Variants in AHCYL1 observed in about 807,000 individuals in gnomAD.
AHCYL1 encodes S-adenosylhomocysteine hydrolase-like protein 1.
A neutral mutation model predicts 79.3 loss-of-function variants in AHCYL1; 20 were observed. The observed-to-expected ratio is 0.25, with a 90% confidence interval of 0.18 to 0.37. AHCYL1 has a LOEUF of 0.37. AHCYL1 is among the 10% of genes least tolerant of loss of function. The pLI is 1.00. For missense variants in AHCYL1, 330 were observed against 673.6 expected, an observed-to-expected ratio of 0.49 and a Z score of 5.65; for synonymous variants, 223 against 242.2, an observed-to-expected ratio of 0.92 and a Z score of 0.74.
chr1:110,017,700 G>T (rs551574907), intron 10 of AHCYL1, 117 bp downstream of exon 10: 10 of 1,148,030 alleles, frequency 8.7e-6, no homozygotes, highest in Middle Eastern at 2.2e-4. Flanking sequence ...GAGAAGGCTA[G>T]GACTGCTCTG....
intron 1 of AHCYL1, among the ~76,000 whole-genome samples, chr1:109,992,708 T>C (rs1649830904): frequency 6.6e-6 from 1 of 152,234 alleles, no homozygotes; most frequent in Non-Finnish European, 1.5e-5. Context: ...TGAGAATCAC[T>C]GGATTAGAGA....
chr1:110,001,091 A>G (rs1041692578), intron 1 of AHCYL1: 8 of 353,306 alleles, frequency 2.3e-5, no homozygotes, highest in African/African-American at 1.6e-4. Flanking sequence ...TTGTATGCCA[A>G]GAGTTCAACA....
intron 1 of AHCYL1, among the ~76,000 whole-genome samples, chr1:109,991,187 A>G (rs1458521324): frequency 1.3e-5 from 2 of 152,206 alleles, no homozygotes; most frequent in Non-Finnish European, 2.9e-5. Context: ...GCTTATCAGT[A>G]TACATTGGGG....
chr1:110,009,438 G>A (rs1021429487), intron 2 of AHCYL1, among the ~76,000 whole-genome samples: 1 of 152,182 alleles, frequency 6.6e-6, no homozygotes, highest in Non-Finnish European at 1.5e-5. Flanking sequence ...ATTTCAAAAG[G>A]AAGAAATCAA....
intron 1 of AHCYL1, among the ~76,000 whole-genome samples, chr1:109,986,511 G>A (rs1649475697): frequency 6.6e-6 from 1 of 152,180 alleles, no homozygotes; most frequent in African/African-American, 2.4e-5. Flanking sequence ...GAGTTCAGTT[G>A]ACTGCTTTGT....
rs914287698 is a variant in AHCYL1, at chr1:110,022,720, C to T, written c.*1040C>T. The T allele has an allele frequency of 6.6e-6, 1 of 152,544 alleles. No individual in the cohort carries two copies. The highest frequency in any genetic ancestry group is 1.5e-5 in the Non-Finnish European group (1 of 68,040). 9.4% of individuals were successfully genotyped at this position (152,544 alleles called of 1,614,324 possible). On this transcript the variant is annotated 3_prime_UTR_variant, in exon 17 of 17. Coordinates refer to ENST00000369799, the MANE Select transcript of AHCYL1 (RefSeq NM_006621.7). ...TTCTGGTCAGCTGTGCTTCTGCAACCTAAAATATTTAAAGGGAGGTAGGTG... is the reference window on the plus strand; with the variant it reads ...TTCTGGTCAGCTGTGCTTCTGCAACTTAAAATATTTAAAGGGAGGTAGGTG...
intron 1 of AHCYL1, among the ~76,000 whole-genome samples, chr1:109,987,815 A>G (rs1412940461): frequency 2.6e-5 from 4 of 152,216 alleles, no homozygotes; most frequent in Non-Finnish European, 4.4e-5. Context: ...CGAGAAGTCA[A>G]CTAAAGGGAT....
At chr1:110,000,600 A>G (rs927597194) in intron 1 of AHCYL1, among the ~76,000 whole-genome samples, 1 of 152,228 alleles carries the variant, frequency 6.6e-6, no homozygotes, top group Non-Finnish European at 1.5e-5. Context: ...ATCTGGTGTT[A>G]TAAGCTCAGA....
At chr1:110,017,432 T>C in intron 9 of AHCYL1, 63 bp from the exon 10 acceptor site, 2 of 1,505,798 alleles carry the variant, frequency 1.3e-6, no homozygotes, top group South Asian at 2.3e-5. Context: ...ACAAATAACC[T>C]ACCTACCCTA....
chr1:110,004,000 C>CA, intron 1 of AHCYL1: 1 of 985,346 alleles, frequency 1.0e-6, no homozygotes, highest in Non-Finnish European at 1.2e-6. Context: ...TACTCTTTGG[C>CA]AGAGTTTTTC....
intron 1 of AHCYL1, among the ~76,000 whole-genome samples, chr1:109,987,993 A>G (rs1238997899): frequency 1.3e-5 from 2 of 152,194 alleles, no homozygotes; most frequent in African/African-American, 2.4e-5. Flanking sequence ...TTCAATGGGC[A>G]TTTGAAGTGG....
chr1:110,011,315 C>T lies in AHCYL1; in HGVS notation c.334C>T (p.Gln112Ter). ...CAATTTCTGTGTGAAGAACATCAAG[C>T]AGGCAGAATTTGGACGCCGGGAGAT... ...SSNFCVKNIKQAEFGRREIEI... is the reference protein window; with the variant it reads ...SSNFCVKNIK The change falls in exon 3 of 17, where the codon CAG becomes TAG. Residue 112 changes from glutamine to a stop codon, truncating the protein, a stop_gained. Coordinates refer to ENST00000369799, the MANE Select transcript of AHCYL1 (RefSeq NM_006621.7). LOFTEE classifies it high-confidence loss of function. 1 of 1,613,928 alleles carries T rather than the reference C, an allele frequency of 6.2e-7. No homozygotes were observed. The highest frequency in any genetic ancestry group is 8.5e-7 in the Non-Finnish European group (1 of 1,179,954).
At chr1:110,015,992 C>G (rs772211345) in intron 7 of AHCYL1, among the ~76,000 whole-genome samples, 1 of 151,968 alleles carries the variant, frequency 6.6e-6, no homozygotes, top group Non-Finnish European at 1.5e-5. Flanking sequence ...CACACACACA[C>G]GGAACCATAT....
chr1:109,985,941 G>A (rs1649443981), intron 1 of AHCYL1, among the ~76,000 whole-genome samples: 2 of 152,170 alleles, frequency 1.3e-5, no homozygotes, highest in Admixed American at 6.5e-5. Context: ...CTATTGTGCT[G>A]TAGGTTGACT....
chr1:109,985,022 C>T lies in AHCYL1; in HGVS notation c.-31C>T. ...CAGAGGGGGAAAGAGGCGGGGGCGG[C>T]GGGTCAGCCGCTGGCCGGGCCGGCC... is the stretch of plus-strand genomic sequence containing the variant. On this transcript the variant is annotated 5_prime_UTR_variant, in exon 1 of 17. Coordinates refer to ENST00000369799, the MANE Select transcript of AHCYL1 (RefSeq NM_006621.7). 1 of 1,500,490 alleles carries T rather than the reference C, an allele frequency of 6.7e-7. No individual in the cohort carries two copies. Among genetic ancestry groups the T allele is most frequent in the South Asian group, 1.3e-5 (1 of 79,420 alleles). The allele number at this position is 1,500,490 out of a possible 1,614,324, so 92.9% of individuals were successfully genotyped here.
chr1:110,005,243 A>G (rs898700095), intron 1 of AHCYL1, among the ~76,000 whole-genome samples: 2 of 152,218 alleles, frequency 1.3e-5, no homozygotes, highest in Non-Finnish European at 2.9e-5. Context: ...TTTATCTTTG[A>G]ATCTAGTTCT....
intron 1 of AHCYL1, chr1:109,995,746 G>T: frequency 1.1e-6 from 1 of 937,820 alleles, no homozygotes; most frequent in Non-Finnish European, 1.3e-6. Context: ...CTCATTACCT[G>T]GCTCTAAACT....
chr1:109,996,221 A>C (rs1650022342), intron 1 of AHCYL1, among the ~76,000 whole-genome samples: 1 of 152,190 alleles, frequency 6.6e-6, no homozygotes, highest in Non-Finnish European at 1.5e-5. Context: ...AAAAAGAAAA[A>C]AAGATGGTAA....
At chr1:109,990,135 G>T (rs1330195466) in intron 1 of AHCYL1, among the ~76,000 whole-genome samples, 1 of 152,100 alleles carries the variant, frequency 6.6e-6, no homozygotes, top group East Asian at 1.9e-4. Flanking sequence ...TCCCGTTTCT[G>T]TTCCTAAAAC....
Sources: allele counts gnomAD v4.1 joint callset (sites outside exome capture counted in the v4.1 genomes callset), GRCh38; gene constraint gnomAD v4.1.1; transcripts MANE v1.5; gene names NCBI Gene and HGNC (gene_info 2026-07-23, HGNC 2026-07-21).